SCHIP1: variants seen among roughly 807,000 people sequenced by gnomAD.
The protein encoded by SCHIP1 is schwannomin interacting protein 1.
In SCHIP1, 8 loss-of-function variants were observed where a neutral mutation model predicts 29.7. That is an observed-to-expected ratio of 0.27 (90% confidence interval 0.16 to 0.49). The LOEUF (loss-of-function observed/expected upper bound fraction) is 0.49. Among genes scored for constraint, SCHIP1 ranks in the 20% least tolerant of loss-of-function variants. SCHIP1 has a pLI of 0.99. For missense variants in SCHIP1, 193 were observed against 294.6 expected, an observed-to-expected ratio of 0.66 and a Z score of 2.52; for synonymous variants, 76 against 94.9, an observed-to-expected ratio of 0.80 and a Z score of 1.16.
At chr3:159,558,687 G>A in the SCHIP1 span, among the ~76,000 whole-genome samples, 3 of 152,158 alleles carry the variant, frequency 2.0e-5, no homozygotes, top group Admixed American at 6.5e-5. Context: ...GAGTCTCATC[G>A]GTAGCCCCTT....
chr3:159,508,000 C>T, the SCHIP1 span, among the ~76,000 whole-genome samples: 2 of 152,120 alleles, frequency 1.3e-5, no homozygotes, highest in Admixed American at 6.5e-5. Flanking sequence ...TTAGGGAGGA[C>T]TCCCTCTTTT....
At chr3:159,364,043 T>A in the SCHIP1 span, among the ~76,000 whole-genome samples, 1 of 152,244 alleles carries the variant, frequency 6.6e-6, no homozygotes, top group South Asian at 2.1e-4. Context: ...TTCTGGTTTT[T>A]CATGTTACTG....
chr3:159,519,311 T>C, the SCHIP1 span, among the ~76,000 whole-genome samples: 1 of 152,200 alleles, frequency 6.6e-6, no homozygotes, highest in Non-Finnish European at 1.5e-5. Flanking sequence ...ACTACAGGCT[T>C]GATTTGGCCA....
At chr3:159,896,855 C>A in exon 7 of SCHIP1, 1 of 1,430,598 alleles carries the variant, frequency 7.0e-7, no homozygotes, top group Non-Finnish European at 9.4e-7. Flanking sequence ...AAAGGTGGCG[C>A]AGAAACAAAT....
the SCHIP1 span, among the ~76,000 whole-genome samples, chr3:159,571,913 T>C: frequency 6.6e-6 from 1 of 152,346 alleles, no homozygotes; most frequent in East Asian, 1.9e-4. Context: ...TTTATTTGTA[T>C]AGAGGTGTTT....
chr3:159,861,809 A>C lies in SCHIP1; in HGVS notation c.31-4354A>C, dbSNP rs1156968001. ...AGTGGACATGGTTCTGCCTGTCATA[A>C]GTGCAGCCAGACAGTGGTGTTTTGA... On this transcript the variant is annotated intron_variant, in intron 1 of 6. Coordinates refer to ENST00000445224, the Ensembl canonical transcript of SCHIP1. The surrounding 1 kb of genome is among the most constrained non-coding windows in gnomAD (Gnocchi z 4.1). Among the ~76,000 whole-genome samples, 3 of 152,180 alleles carry C rather than the reference A, an allele frequency of 2.0e-5. No homozygotes were observed. Among genetic ancestry groups the C allele is most frequent in the Non-Finnish European group, 4.4e-5 (3 of 68,036 alleles).
At chr3:159,583,683 T>C in the SCHIP1 span, among the ~76,000 whole-genome samples, 38 of 152,198 alleles carry the variant, frequency 2.5e-4, 1 homozygote, top group Non-Finnish European at 4.4e-4. Context: ...CTCTAAGGCC[T>C]GATATGCCTT....
the SCHIP1 span, among the ~76,000 whole-genome samples, chr3:159,794,451 A>G: frequency 1.3e-5 from 2 of 152,178 alleles, no homozygotes; most frequent in Admixed American, 1.3e-4. Context: ...CAGGTAGAGA[A>G]CTTTTCTGCT....
At chr3:159,841,898 A>G (rs1744260967) in intron 1 of SCHIP1, among the ~76,000 whole-genome samples, 1 of 152,216 alleles carries the variant, frequency 6.6e-6, no homozygotes, top group East Asian at 1.9e-4. Context: ...TTATAGTAGA[A>G]CTACCTACAT....
the SCHIP1 span, among the ~76,000 whole-genome samples, chr3:159,818,651 CT>C: frequency 1.3e-5 from 2 of 152,350 alleles, no homozygotes; most frequent in Non-Finnish European, 2.9e-5. Flanking sequence ...GTGCCAGGGG[CT>C]TTGCAATCCT....
At chr3:159,425,657 C>T in the SCHIP1 span, among the ~76,000 whole-genome samples, 9 of 152,030 alleles carry the variant, frequency 5.9e-5, no homozygotes, top group South Asian at 4.1e-4. Flanking sequence ...AACAAGGATA[C>T]CCAGGAATTG....
the SCHIP1 span, chr3:159,274,335 G>T: frequency 1.0e-6 from 1 of 981,282 alleles, no homozygotes; most frequent in Non-Finnish European, 1.2e-6. Flanking sequence ...GTTACCAAAA[G>T]AACAAATGTC....
rs758540299 is a variant in SCHIP1 at position 159,861,986 on chromosome 3, A to G, written c.31-4177A>G. 2.4e-4 allele frequency among the ~76,000 whole-genome samples: 36 copies of G among 152,260 alleles called. No individual in the cohort carries two copies. Among genetic ancestry groups the G allele is most frequent in the Admixed American group, 6.5e-4 (10 of 15,304 alleles). Reference sequence around the variant, plus strand: ...CGCCCTTGAAACCACACACACATATATTTTACACATGTGGGCAACTGAAAG... The same window carrying G: ...CGCCCTTGAAACCACACACACATATGTTTTACACATGTGGGCAACTGAAAG... On this transcript the variant is annotated intron_variant, in intron 1 of 6. Transcript: ENST00000445224. This position sits in a 1 kb window ranked among gnomAD's most constrained non-coding sequence, Gnocchi z 4.1.
At chr3:159,700,808 C>T in the SCHIP1 span, among the ~76,000 whole-genome samples, 1 of 135,680 alleles carries the variant, frequency 7.4e-6, no homozygotes, top group African/African-American at 2.8e-5. Context: ...AGTGAGAATC[C>T]AACTCAAAAA....
the SCHIP1 span, among the ~76,000 whole-genome samples, chr3:159,811,959 GT>G: frequency 3.3e-5 from 4 of 122,684 alleles, no homozygotes; most frequent in African/African-American, 6.5e-5. Flanking sequence ...ATGTTTTGTA[GT>G]TTTTTTTGTT....
the SCHIP1 span, among the ~76,000 whole-genome samples, chr3:159,789,829 C>T: frequency 6.6e-6 from 1 of 152,148 alleles, no homozygotes; most frequent in Non-Finnish European, 1.5e-5. Flanking sequence ...TGTAAAATAG[C>T]AATGCCAATT....
intron 1 of SCHIP1, among the ~76,000 whole-genome samples, chr3:159,863,051 C>T (rs1714227071): frequency 1.3e-5 from 2 of 152,090 alleles, no homozygotes; most frequent in African/African-American, 4.8e-5. Flanking sequence ...TGTAAAGAGG[C>T]TAATTTCTGG....
At chr3:159,453,145 G>T in the SCHIP1 span, among the ~76,000 whole-genome samples, 1 of 152,164 alleles carries the variant, frequency 6.6e-6, no homozygotes, top group Non-Finnish European at 1.5e-5. Flanking sequence ...ACCAATTGTA[G>T]CTGCAGGTAC....
the SCHIP1 span, among the ~76,000 whole-genome samples, chr3:159,389,496 GATC>G: frequency 6.6e-6 from 1 of 152,000 alleles, no homozygotes; most frequent in African/African-American, 2.4e-5. Flanking sequence ...TCTTTAAAAT[GATC>G]ATGACTTTTG....
Sources: gnomAD v4.1 joint callset for allele counts (sites outside exome capture counted in the v4.1 genomes callset) on GRCh38, gnomAD v4.1.1 for gene constraint, Gnocchi (gnomAD v3.1) non-coding constraint, MANE v1.5 for transcripts, NCBI Gene and HGNC (gene_info 2026-07-23, HGNC 2026-07-21) for gene names.